Variants in GABRB1 observed in about 807,000 individuals in gnomAD.
GABRB1 encodes gamma-aminobutyric acid receptor subunit beta-1.
A neutral mutation model predicts 51.6 loss-of-function variants in GABRB1; 17 were observed. That is an observed-to-expected ratio of 0.33 (90% confidence interval 0.23 to 0.49). The LOEUF (loss-of-function observed/expected upper bound fraction) is 0.49. Among genes scored for constraint, GABRB1 ranks in the 20% least tolerant of loss-of-function variants. The probability of loss-of-function intolerance (pLI) is 0.99; values close to 1 mark genes in which losing one functional copy is unlikely to be tolerated. For missense variants in GABRB1, 410 were observed against 600.6 expected (o/e 0.68, Z 3.32); for synonymous variants, 247 against 218.9 (o/e 1.13, Z -1.14).
chr4:47,088,375 C>T (rs1728163707), intron 3 of GABRB1, among the ~76,000 whole-genome samples: 1 of 152,136 alleles, frequency 6.6e-6, no homozygotes, highest in Non-Finnish European at 1.5e-5. Context: ...TCAGGAGATA[C>T]AGGAGGCCTC....
intron 4 of GABRB1, among the ~76,000 whole-genome samples, chr4:47,308,632 G>A (rs1007868341): frequency 3.3e-5 from 5 of 152,068 alleles, no homozygotes; most frequent in Admixed American, 1.3e-4. Flanking sequence ...CTAGGAAAGA[G>A]AATCATGTGG....
chr4:47,375,338 C>T (rs1475805458), intron 5 of GABRB1, among the ~76,000 whole-genome samples: 1 of 152,034 alleles, frequency 6.6e-6, no homozygotes, highest in Non-Finnish European at 1.5e-5. Flanking sequence ...TGGAAGCAAT[C>T]CAGGAAAACA....
chr4:47,408,165 G>A (rs533525325), intron 8 of GABRB1, among the ~76,000 whole-genome samples: 1 of 152,244 alleles, frequency 6.6e-6, no homozygotes. Flanking sequence ...TAAGGGAGCA[G>A]GACACTTTGG....
At position 47,341,783 on chromosome 4, in the gene GABRB1, G is replaced by T. The variant is rs148562744; in HGVS notation, c.544+21574G>T. Among the ~76,000 whole-genome samples, 119 of 152,140 alleles carry T rather than the reference G, an allele frequency of 7.8e-4. No homozygotes were observed. In the East Asian group the frequency reaches 0.018, roughly 23 times the overall value. ...TGAACAAATGAACAAATCTTCTTTG[G>T]ACAGAGCCCTTCCTTTCGTGAACAT... On this transcript the variant is annotated intron_variant, in intron 5 of 8. Coordinates refer to ENST00000295454, the MANE Select transcript of GABRB1 (RefSeq NM_000812.4).
intron 4 of GABRB1, among the ~76,000 whole-genome samples, chr4:47,179,863 T>A (rs1260103627): frequency 6.6e-6 from 1 of 152,118 alleles, no homozygotes; most frequent in Non-Finnish European, 1.5e-5. Context: ...TTAACTCTAT[T>A]AGTGAAATTA....
chr4:47,162,509 C>G (rs889995051), intron 4 of GABRB1, among the ~76,000 whole-genome samples: 3 of 151,944 alleles, frequency 2.0e-5, no homozygotes, highest in African/African-American at 7.2e-5. Context: ...ATTACAGAGT[C>G]TCACTTCAGG....
chr4:46,994,878 C>T (rs556136749), intron 1 of GABRB1, among the ~76,000 whole-genome samples: 1 of 152,154 alleles, frequency 6.6e-6, no homozygotes, highest in Non-Finnish European at 1.5e-5. Context: ...GAAGAGGGAA[C>T]GCATTGTATT....
intron 4 of GABRB1, among the ~76,000 whole-genome samples, chr4:47,173,184 C>T (rs957210656): frequency 3.3e-5 from 5 of 152,114 alleles, no homozygotes; most frequent in Middle Eastern, 3.4e-3. Flanking sequence ...GTTGTTTGTT[C>T]GTTTTAAACA....
intron 4 of GABRB1, among the ~76,000 whole-genome samples, chr4:47,176,819 C>A (rs1444308498): frequency 6.6e-6 from 1 of 152,106 alleles, no homozygotes; most frequent in Non-Finnish European, 1.5e-5. Context: ...GAAGGAAAGG[C>A]TCCAAGTACA....
At chr4:47,178,990 A>C (rs945493629) in intron 4 of GABRB1, among the ~76,000 whole-genome samples, 2 of 152,128 alleles carry the variant, frequency 1.3e-5, no homozygotes, top group Non-Finnish European at 2.9e-5. Context: ...ACATACTTTA[A>C]GTTCTGGGAT....
intron 4 of GABRB1, among the ~76,000 whole-genome samples, chr4:47,178,337 A>G (rs769039725): frequency 6.6e-6 from 1 of 152,122 alleles, no homozygotes; most frequent in Non-Finnish European, 1.5e-5. Flanking sequence ...GCTACTTTCA[A>G]GATTAAATGG....
At chr4:47,413,713 T>G (rs1728831163) in intron 8 of GABRB1, among the ~76,000 whole-genome samples, 1 of 152,156 alleles carries the variant, frequency 6.6e-6, no homozygotes. Flanking sequence ...ACACATTACT[T>G]TTGATCGCTC....
intron 5 of GABRB1, among the ~76,000 whole-genome samples, chr4:47,364,719 G>A (rs529823359): frequency 6.6e-6 from 1 of 151,732 alleles, no homozygotes; most frequent in South Asian, 2.1e-4. Flanking sequence ...ATAAAAAGCT[G>A]GAAACATGAA....
intron 1 of GABRB1, among the ~76,000 whole-genome samples, chr4:47,012,260 C>T (rs1044183757): frequency 6.6e-6 from 1 of 152,162 alleles, no homozygotes; most frequent in Non-Finnish European, 1.5e-5. Flanking sequence ...AAACATGCAT[C>T]ATGGGGGTTT....
At chr4:47,151,449 T>C (rs1233299094) in intron 3 of GABRB1, among the ~76,000 whole-genome samples, 1 of 152,076 alleles carries the variant, frequency 6.6e-6, no homozygotes, top group Non-Finnish European at 1.5e-5. Context: ...TGATATAAAC[T>C]TGATTTAATT....
intron 1 of GABRB1, among the ~76,000 whole-genome samples, chr4:46,998,115 A>G (rs934329644): frequency 6.6e-6 from 1 of 152,208 alleles, no homozygotes; most frequent in African/African-American, 2.4e-5. Context: ...AATACCAGTT[A>G]ATACTGCTGT....
At chr4:47,090,535 T>C (rs963804785) in intron 3 of GABRB1, among the ~76,000 whole-genome samples, 4 of 152,274 alleles carry the variant, frequency 2.6e-5, no homozygotes, top group African/African-American at 9.6e-5. Flanking sequence ...CTGGAAATAG[T>C]GTATTAGAAT....
At chr4:47,028,869 TA>T (rs1560501422), upstream of GABRB1, among the ~76,000 whole-genome samples, 1 of 148,722 alleles carries the variant, frequency 6.7e-6, no homozygotes, top group Non-Finnish European at 1.5e-5. Context: ...ATGGTATATA[TA>T]CCATATATAT....
chr4:47,360,968 A>G (rs543526713), intron 5 of GABRB1, among the ~76,000 whole-genome samples: 1 of 152,294 alleles, frequency 6.6e-6, no homozygotes, highest in South Asian at 2.1e-4. Flanking sequence ...ATGAGAATAA[A>G]TACTATTAAT....
Sources: allele counts gnomAD v4.1 joint callset (sites outside exome capture counted in the v4.1 genomes callset), GRCh38; gene constraint gnomAD v4.1.1; transcripts MANE v1.5; gene names NCBI Gene and HGNC (gene_info 2026-07-23, HGNC 2026-07-21).